MFAP3: variants seen among roughly 807,000 people sequenced by gnomAD.
The protein encoded by MFAP3 is microfibril associated protein 3.
In MFAP3, 8 loss-of-function variants were observed where a neutral mutation model predicts 20.5. That is an observed-to-expected ratio of 0.39 (90% CI 0.23 to 0.70). The LOEUF (loss-of-function observed/expected upper bound fraction) is 0.70, where lower values mean the gene tolerates loss of function less well. Ranked by LOEUF, MFAP3 falls within the 30% of genes least tolerant of loss-of-function variation. MFAP3 has a pLI of 0.44. For missense variants in MFAP3, 398 were observed against 444.6 expected (o/e 0.90, Z 0.94); for synonymous variants, 140 against 154.0 (o/e 0.91, Z 0.67).
chr5:154,048,508 A>G (rs903300125), intron 1 of MFAP3, among the ~76,000 whole-genome samples: 3 of 152,166 alleles, frequency 2.0e-5, no homozygotes, highest in Admixed American at 6.6e-5. Context: ...AGTAAATGTC[A>G]TTTCCAAAAC....
intron 1 of MFAP3, among the ~76,000 whole-genome samples, chr5:154,044,234 G>C (rs771575234): frequency 2.6e-5 from 4 of 152,224 alleles, no homozygotes; most frequent in Non-Finnish European, 5.9e-5. Context: ...AGAATGAGCA[G>C]AATGGTCATA....
At position 154,053,457 on chromosome 5, in the gene MFAP3, A is replaced by G; in HGVS notation, c.833A>G (p.Asn278Ser). 1 of 1,613,970 alleles carries G rather than the reference A, an allele frequency of 6.2e-7. No individual in the cohort carries two copies. The change falls in exon 3 of 3, where the codon AAT (asparagine) becomes AGT (serine). Residue 278 changes from asparagine to serine, a missense_variant. Coordinates refer to ENST00000522782, the MANE Select transcript of MFAP3 (RefSeq NM_005927.5). The stretch of plus-strand genomic sequence containing the variant: ...AGAATTAAAGAGAGACCTGCCTTGA[A>G]TGCTCAAGGTGGCATCTATGTCATT... ...GERIKERPAL[N>S]AQGGIYVINP...
intron 1 of MFAP3, among the ~76,000 whole-genome samples, chr5:154,043,743 T>TATATA (rs1554086565): frequency 1.2e-4 from 7 of 56,920 alleles, no homozygotes; most frequent in Non-Finnish European, 2.5e-4. Context: ...TATATATATA[T>TATATA]TTTTTTTTCC....
rs747645885 is a variant in MFAP3, at chr5:154,053,752, G to A, written c.*39G>A. The stretch of plus-strand genomic sequence containing the variant: ...AACCCAGTACCTACAAAATCAGCTC[G>A]CTCTCAGAAAAGGAACCTGTTTCTT... On this transcript the variant is annotated 3_prime_UTR_variant, in exon 3 of 3. Transcript: ENST00000522782. 7.9e-6 allele frequency: 12 copies of A among 1,525,754 alleles called. No homozygotes were observed. The highest frequency in any genetic ancestry group is 7.0e-5 in the African/African-American group (5 of 71,784). 94.5% of individuals were successfully genotyped at this position (1,525,754 alleles called of 1,614,324 possible). A position where few individuals can be genotyped will look rare whatever the true frequency, so the allele number is the denominator to read the frequency against.
At chr5:154,041,698 C>T (rs1772956174) in intron 1 of MFAP3, among the ~76,000 whole-genome samples, 1 of 152,058 alleles carries the variant, frequency 6.6e-6, no homozygotes, top group Non-Finnish European at 1.5e-5. Context: ...TGTTTAGGAC[C>T]AATTCTGAGT....
intron 2 of MFAP3, among the ~76,000 whole-genome samples, chr5:154,051,244 A>T (rs986410145): frequency 6.6e-6 from 1 of 152,236 alleles, no homozygotes; most frequent in African/African-American, 2.4e-5. Flanking sequence ...GCTCTACGAT[A>T]TCCTGACCAA....
At chr5:154,040,005 C>T (rs190381207) in intron 1 of MFAP3, among the ~76,000 whole-genome samples, 356 of 152,188 alleles carry the variant, frequency 2.3e-3, no homozygotes, top group African/African-American at 8.3e-3. Flanking sequence ...ACAAAAAAAC[C>T]CCTGCTTAAA....
At chr5:154,043,654 C>T (rs1333902747) in intron 1 of MFAP3, among the ~76,000 whole-genome samples, 1 of 152,084 alleles carries the variant, frequency 6.6e-6, no homozygotes, top group Non-Finnish European at 1.5e-5. Context: ...AAGAAGGTGA[C>T]ACTTTGGTTT....
intron 1 of MFAP3, among the ~76,000 whole-genome samples, chr5:154,043,727 A>AATATATAT (rs367632606): frequency 1.5e-4 from 17 of 114,766 alleles, no homozygotes; most frequent in Middle Eastern, 8.5e-3. Context: ...CAGCAGGCAT[A>AATATATAT]ATATATATAT....
At chr5:154,047,921 TACAAA>T (rs1773102711) in intron 1 of MFAP3, among the ~76,000 whole-genome samples, 1 of 152,154 alleles carries the variant, frequency 6.6e-6, no homozygotes, top group Non-Finnish European at 1.5e-5. Flanking sequence ...TAGAATAAAG[TACAAA>T]ATTATGTCCT....
At chr5:154,049,141 G>GT (rs1232476278) in intron 1 of MFAP3, among the ~76,000 whole-genome samples, 25 of 152,292 alleles carry the variant, frequency 1.6e-4, no homozygotes, top group African/African-American at 6.0e-4. Context: ...AATGGTGCAG[G>GT]TTGAAATAAA....
chr5:154,057,288 C>G lies in MFAP3; in HGVS notation c.*3575C>G, dbSNP rs1463585861. The stretch of plus-strand genomic sequence containing the variant: ...ATAGAAACTCCTAGATTTTCACTAA[C>G]GCATTTCACAAAAGTAAATAAGTAT... On this transcript the variant is annotated 3_prime_UTR_variant, in exon 3 of 3. Coordinates refer to ENST00000522782, the MANE Select transcript of MFAP3 (RefSeq NM_005927.5). Among the ~76,000 whole-genome samples the G allele has an allele frequency of 6.6e-6, 1 of 152,134 alleles. No individual in the cohort carries two copies. The highest frequency in any genetic ancestry group is 1.5e-5 in the Non-Finnish European group (1 of 68,020).
At chr5:154,050,157 T>C (rs1581865389) in intron 2 of MFAP3, 140 bp downstream of exon 2, 1 of 748,710 alleles carries the variant, frequency 1.3e-6, no homozygotes, top group East Asian at 3.0e-5. Flanking sequence ...TGGAGTGTTG[T>C]ACCTATCAGA....
intron 1 of MFAP3, among the ~76,000 whole-genome samples, chr5:154,044,365 A>AT (rs1213517652): frequency 1.3e-5 from 2 of 151,926 alleles, no homozygotes; most frequent in African/African-American, 4.8e-5. Flanking sequence ...TTCCCTCACT[A>AT]TTTTTTTCTG....
chr5:154,046,245 A>G (rs1773070842), intron 1 of MFAP3, among the ~76,000 whole-genome samples: 1 of 152,248 alleles, frequency 6.6e-6, no homozygotes, highest in Non-Finnish European at 1.5e-5. Context: ...AAGGTCTTCC[A>G]AGATTGTTAG....
Position 154,056,520 on chromosome 5 carries a change from T to G in MFAP3, c.*2807T>G, listed in dbSNP as rs1773337315. ...GATGGTAACTATAGTGTAATTATCTTTTTGTCTCACTGGATTTTATAGTTA... is the reference window on the plus strand; with the variant it reads ...GATGGTAACTATAGTGTAATTATCTGTTTGTCTCACTGGATTTTATAGTTA... On this transcript the variant is annotated 3_prime_UTR_variant, in exon 3 of 3. Coordinates refer to ENST00000522782, the MANE Select transcript of MFAP3 (RefSeq NM_005927.5). Among the ~76,000 whole-genome samples, 1 of 152,236 alleles carries G rather than the reference T, an allele frequency of 6.6e-6. No homozygotes were observed. The highest frequency in any genetic ancestry group is 1.5e-5 in the Non-Finnish European group (1 of 68,044).
intron 1 of MFAP3, among the ~76,000 whole-genome samples, chr5:154,043,727 A>AATAT (rs367632606): frequency 0.016 from 1,839 of 114,742 alleles, 29 homozygotes; most frequent in African/African-American, 0.053. Flanking sequence ...CAGCAGGCAT[A>AATAT]ATATATATAT....
rs1376167578 is a variant in MFAP3, at chr5:154,056,873, A to G, written c.*3160A>G. Among the ~76,000 whole-genome samples the G allele has an allele frequency of 1.3e-5, 2 of 152,236 alleles. No individual in the cohort carries two copies. Among genetic ancestry groups the G allele is most frequent in the African/African-American group, 4.8e-5 (2 of 41,474 alleles). ...TATATTTTCTACCAATTACCTTGATAGAAATATCTTAGAAATTGCTGACCT... is the reference window on the plus strand; with the variant it reads ...TATATTTTCTACCAATTACCTTGATGGAAATATCTTAGAAATTGCTGACCT... On this transcript the variant is annotated 3_prime_UTR_variant, in exon 3 of 3. Transcript: ENST00000522782.
chr5:154,053,360 C>G lies in MFAP3; in HGVS notation c.736C>G (p.Leu246Val). 1 of 1,613,994 alleles carries G rather than the reference C, an allele frequency of 6.2e-7. No homozygotes were observed. The highest frequency in any genetic ancestry group is 8.5e-7 in the Non-Finnish European group (1 of 1,179,958). The change falls in exon 3 of 3, where the codon CTA becomes GTA. Residue 246 changes from leucine to valine, a missense_variant. Leu to Val is a conservative substitution (Grantham distance 32). Transcript: ENST00000522782. The stretch of plus-strand genomic sequence containing the variant: ...AAGTGTCCCTCTTCCACCTCTTATT[C>G]TAAACTGTCGAGCCTTTGTTGAGGA... ...ARSVPLPPLI[L>V]NCRAFVEEMF...
Sources: allele counts gnomAD v4.1 joint callset (sites outside exome capture counted in the v4.1 genomes callset), GRCh38; gene constraint gnomAD v4.1.1; transcripts MANE v1.5; gene names NCBI Gene and HGNC (gene_info 2026-07-23, HGNC 2026-07-21).